Variants in CARD9 observed in about 807,000 individuals in gnomAD.
The protein encoded by CARD9 is caspase recruitment domain family member 9.
A neutral mutation model predicts 66.0 loss-of-function variants in CARD9; 53 were observed. The ratio of observed to expected loss-of-function variants is 0.80; its 90% confidence interval spans 0.64 to 1.01. The LOEUF (loss-of-function observed/expected upper bound fraction) is 1.01, where lower values mean the gene tolerates loss of function less well. CARD9 is among the 50% of genes least tolerant of loss of function. The pLI is 0.00. For synonymous variants in CARD9, 387 were observed against 313.8 expected, an observed-to-expected ratio of 1.23 and a Z score of -2.47; for missense variants, 769 against 743.2, an observed-to-expected ratio of 1.03 and a Z score of -0.40.
intron 2 of CARD9, 80 bp downstream of exon 2, chr9:136,371,815 A>G: frequency 2.0e-6 from 3 of 1,535,884 alleles, no homozygotes; most frequent in Non-Finnish European, 2.6e-6. Context: ...GTTGAGGGTC[A>G]GGGTGGCAGA....
At chr9:136,367,550 C>G in intron 8 of CARD9, 87 bp downstream of exon 8, 1 of 1,448,450 alleles carries the variant, frequency 6.9e-7, no homozygotes, top group East Asian at 2.5e-5. Context: ...AGGGTTGGGT[C>G]GGGAAGGCCG....
At chr9:136,371,514 T>TGGGGGGG in intron 2 of CARD9, 53 bp from the exon 3 acceptor site, 3 of 361,682 alleles carry the variant, frequency 8.3e-6, no homozygotes, top group Non-Finnish European at 1.4e-5. Context: ...GGCAGAGGGC[T>TGGGGGGG]GGGGTGGGTG....
chr9:136,371,070 A>G lies in CARD9; in HGVS notation c.398T>C (p.Leu133Pro), dbSNP rs1833257523. Residue 133 changes from leucine to proline, a missense_variant, in exon 4 of 13, where the codon CTG becomes CCG. Physicochemically the swap from Leu to Pro is moderately conservative, Grantham distance 98. Transcript: ENST00000371732. Reference protein sequence around the residue: ...VMKLQKKVQDLTALLSSKDDF... With the variant: ...VMKLQKKVQDPTALLSSKDDF... ...ATCTTTGGAGCTCAGCAGCGCGGTC[A>G]GGTCCTGCACCTTCTTCTGCAGCTT... 5 of 1,612,576 alleles carry G rather than the reference A, an allele frequency of 3.1e-6. No individual in the cohort carries two copies. Among genetic ancestry groups the G allele is most frequent in the Non-Finnish European group, 4.2e-6 (5 of 1,179,938 alleles).
At chr9:136,372,143 C>T (rs1833292741) in intron 1 of CARD9, 49 bp from the exon 2 acceptor site, 3 of 1,597,844 alleles carry the variant, frequency 1.9e-6, no homozygotes, top group Admixed American at 1.7e-5. Context: ...CCTGCCCCCA[C>T]CCGGGCCCAG....
At chr9:136,364,716 C>A in intron 11 of CARD9, 157 bp from the exon 12 acceptor site, 2 of 723,150 alleles carry the variant, frequency 2.8e-6, no homozygotes, top group Non-Finnish European at 4.5e-6. Flanking sequence ...TGGGACCTGC[C>A]TGTACCCCTG....
chr9:136,366,431 G>C lies in CARD9; in HGVS notation c.1357+369C>G, dbSNP rs1833125404. ...ACCACCTCCCTCTGTCCAGGAGGAAGCTTGGAGCAGCCAGGACTGGGCCTG... is the reference window on the plus strand; with the variant it reads ...ACCACCTCCCTCTGTCCAGGAGGAACCTTGGAGCAGCCAGGACTGGGCCTG... On this transcript the variant is annotated intron_variant, in intron 10 of 12. Coordinates refer to ENST00000371732, the MANE Select transcript of CARD9 (RefSeq NM_052813.5). 3 of 321,958 alleles carry C rather than the reference G, an allele frequency of 9.3e-6. No homozygotes were observed. The South Asian group carries it at 1.2e-4, about 13-fold the overall frequency. 19.9% of individuals were successfully genotyped at this position (321,958 alleles called of 1,614,324 possible). A position where few individuals can be genotyped will look rare whatever the true frequency, so the allele number is the denominator to read the frequency against.
chr9:136,371,964 C>A lies in CARD9; in HGVS notation c.115G>T (p.Val39Phe). The change falls in exon 2 of 13, where the codon GTC becomes TTC. Residue 39 changes from valine (V) to phenylalanine (F), a missense_variant. Transcript: ENST00000371732. Reference sequence around the variant, plus strand: ...TGCTCCTCATCATCGGGGTTCAGGACCTTGCACTGCCGCAGGTAAGGTGTG... The same window carrying A: ...TGCTCCTCATCATCGGGGTTCAGGAACTTGCACTGCCGCAGGTAAGGTGTG... ...RITPYLRQCK[V>F]LNPDDEEQVL... is the part of the protein sequence containing the mutation. 1.2e-6 allele frequency: 2 copies of A among 1,612,624 alleles called. No homozygotes were observed. The highest frequency in any genetic ancestry group is 1.7e-6 in the Non-Finnish European group (2 of 1,179,742).
chr9:136,367,496 C>A, intron 8 of CARD9, 141 bp downstream of exon 8: 1 of 1,095,550 alleles, frequency 9.1e-7, no homozygotes, highest in Non-Finnish European at 1.3e-6. Flanking sequence ...GCCCTCACCC[C>A]ACTGCCAGGA....
At chr9:136,367,551 G>T in intron 8 of CARD9, 86 bp downstream of exon 8, 1 of 1,452,094 alleles carries the variant, frequency 6.9e-7, no homozygotes, top group Non-Finnish European at 9.2e-7. Flanking sequence ...GGGTTGGGTC[G>T]GGAAGGCCGG....
rs140362628 is a variant in CARD9, at chr9:136,365,203, C to T, written c.1372G>A (p.Gly458Arg). Reference sequence around the variant, plus strand: ...GCAAAGGGCTGTTTCGGGCTCCCCCCGCCGGCAAGGCAGCCTGGAAAGGAG... The same window carrying T: ...GCAAAGGGCTGTTTCGGGCTCCCCCTGCCGGCAAGGCAGCCTGGAAAGGAG... ...QLSDKGCLAG[G>R]GSPKQPFAAL... Residue 458 changes from glycine to arginine, a missense_variant, in exon 11 of 13, where the codon GGG (glycine) becomes AGG (arginine). Transcript: ENST00000371732. 11 of 1,609,534 alleles carry T rather than the reference C, an allele frequency of 6.8e-6. No individual in the cohort carries two copies. In the African/African-American group the frequency reaches 9.3e-5, roughly 14 times the overall value.
Position 136,367,200 on chromosome 9 carries a change from C to T in CARD9, c.1311+16G>A. The T allele has an allele frequency of 1.9e-6, 3 of 1,611,560 alleles. No homozygotes were observed. The highest frequency in any genetic ancestry group is 2.5e-6 in the Non-Finnish European group (3 of 1,179,394). On this transcript the variant is annotated intron_variant, in intron 9 of 12. Transcript: ENST00000371732. ...TGAAGGAAGGCCAGCCTCGTGCTGGCTGGGGTCTCACTCACCTCCTGGGAC... is the reference window on the plus strand; with the variant it reads ...TGAAGGAAGGCCAGCCTCGTGCTGGTTGGGGTCTCACTCACCTCCTGGGAC...
At chr9:136,366,642 T>G in intron 10 of CARD9, 158 bp downstream of exon 10, 1 of 798,674 alleles carries the variant, frequency 1.3e-6, no homozygotes, top group Non-Finnish European at 2.1e-6. Context: ...CTAGGTGACC[T>G]TGACCATTTT....
Position 136,367,649 on chromosome 9 carries a change from C to T in CARD9, c.1257G>A (p.Glu419=), listed in dbSNP as rs1291912498. Residue 419 remains glutamate, a synonymous_variant, in exon 8 of 13, where the codon GAG becomes GAA. Transcript: ENST00000371732. ...GCCCCAGGCCCACCAGGACGAGCGT[C>T]TCCAGCTGCTGCCGCCTGAGCCTGC... is the stretch of plus-strand genomic sequence containing the variant. The part of the protein sequence containing the change: ...VEGRLRRQQL[E]TLVLSSDLED... 1.3e-6 allele frequency: 2 copies of T among 1,590,208 alleles called. No individual in the cohort carries two copies. Among genetic ancestry groups the T allele is most frequent in the South Asian group, 2.2e-5 (2 of 89,048 alleles).
In CARD9 at chr9:136,370,915, G is replaced by C. The variant is rs753025581; in HGVS notation, c.553C>G (p.Leu185Val). 1 of 1,612,046 alleles carries C rather than the reference G, an allele frequency of 6.2e-7. No individual in the cohort carries two copies. Residue 185 changes from leucine to valine, a missense_variant, in exon 4 of 13, where the codon CTG (leucine) becomes GTG (valine). By Grantham distance (32) the Leu-to-Val change is conservative. Transcript: ENST00000371732. Reference sequence around the variant, plus strand: ...CTCTGGTGCGCCAGGCGCATGGCCAGGTCGTAGTTCTCCTCCTTGCAGCGC... The same window carrying C: ...CTCTGGTGCGCCAGGCGCATGGCCACGTCGTAGTTCTCCTCCTTGCAGCGC... ...LKRCKEENYD[L>V]AMRLAHQSEE... is the part of the protein sequence containing the mutation.
At chr9:136,367,488 C>T in intron 8 of CARD9, 149 bp downstream of exon 8, 2 of 1,051,234 alleles carry the variant, frequency 1.9e-6, no homozygotes, top group Non-Finnish European at 2.7e-6. Flanking sequence ...GCTCGTGTGC[C>T]CTCACCCCAC....
Position 136,373,626 on chromosome 9 carries a change from A to G in CARD9, c.-111T>C. 3.1e-6 allele frequency: 3 copies of G among 975,250 alleles called. No individual in the cohort carries two copies. The highest frequency in any genetic ancestry group is 3.7e-6 in the Non-Finnish European group (3 of 820,546). The allele number at this position is 975,250 out of a possible 1,614,324, so 60.4% of individuals were successfully genotyped here. A position where few individuals can be genotyped will look rare whatever the true frequency, so the allele number is the denominator to read the frequency against. On this transcript the variant is annotated 5_prime_UTR_variant, in exon 1 of 13. Coordinates refer to ENST00000371732, the MANE Select transcript of CARD9 (RefSeq NM_052813.5). ...ATGCTGCCCGGGGCTGCAGGGAGGGAGGAGCACGCCGGACGCCTGTGCACT... is the reference window on the plus strand; with the variant it reads ...ATGCTGCCCGGGGCTGCAGGGAGGGGGGAGCACGCCGGACGCCTGTGCACT...
chr9:136,372,666 A>G (rs1259057581), intron 1 of CARD9, among the ~76,000 whole-genome samples: 1 of 152,172 alleles, frequency 6.6e-6, no homozygotes, highest in Admixed American at 6.5e-5. Flanking sequence ...GCCTGCTCAC[A>G]TCCCTGGCTG....
intron 7 of CARD9, among the ~76,000 whole-genome samples, chr9:136,368,725 G>A (rs983829348): frequency 9.9e-5 from 15 of 152,234 alleles, no homozygotes; most frequent in African/African-American, 3.1e-4. Context: ...CCTCACTCCC[G>A]TGGCCCAGGC....
Position 136,364,229 on chromosome 9 carries a change from G to A in CARD9, c.*73C>T, listed in dbSNP as rs1431146993. 6.4e-7 allele frequency: 1 copy of A among 1,550,478 alleles called. No homozygotes were observed. The highest frequency in any genetic ancestry group is 8.7e-7 in the Non-Finnish European group (1 of 1,146,722). Reference sequence around the variant, plus strand: ...ACGGCTCGGGGAAGTCTGCGCCCCAGGGCGTCGGCACCCCCGGGTGGCAGG... The same window carrying A: ...ACGGCTCGGGGAAGTCTGCGCCCCAAGGCGTCGGCACCCCCGGGTGGCAGG... On this transcript the variant is annotated 3_prime_UTR_variant, in exon 13 of 13. Coordinates refer to ENST00000371732, the MANE Select transcript of CARD9 (RefSeq NM_052813.5).
Sources: gnomAD v4.1 joint callset for allele counts (sites outside exome capture counted in the v4.1 genomes callset) on GRCh38, gnomAD v4.1.1 for gene constraint, MANE v1.5 for transcripts, NCBI Gene and HGNC (gene_info 2026-07-23, HGNC 2026-07-21) for gene names.